CNTNAP2: variants seen among roughly 807,000 people sequenced by gnomAD.
CNTNAP2 encodes contactin associated protein 2, also known as contactin-associated protein-like 2.
In CNTNAP2, 98 loss-of-function variants were observed where a neutral mutation model predicts 155.2. The ratio of observed to expected loss-of-function variants is 0.63; its 90% CI spans 0.54 to 0.75. The LOEUF (loss-of-function observed/expected upper bound fraction) is 0.75. Ranked by LOEUF, CNTNAP2 falls within the 30% of genes least tolerant of loss-of-function variation. The pLI is 0.00. For synonymous variants in CNTNAP2, 651 were observed against 631.2 expected (o/e 1.03, Z -0.47); for missense variants, 1,727 against 1,688.1 (o/e 1.02, Z -0.40).
At chr7:147,737,357 T>C (rs921718151) in intron 13 of CNTNAP2, among the ~76,000 whole-genome samples, 1 of 152,110 alleles carries the variant, frequency 6.6e-6, no homozygotes, top group Non-Finnish European at 1.5e-5. Flanking sequence ...GAACAGCAAA[T>C]GTTGCTGCCT....
At chr7:147,308,376 A>C (rs1255073370) in intron 9 of CNTNAP2, among the ~76,000 whole-genome samples, 1 of 152,156 alleles carries the variant, frequency 6.6e-6, no homozygotes, top group African/African-American at 2.4e-5. Flanking sequence ...TAGTTGGATG[A>C]GGGAGAACAG....
chr7:147,215,650 A>G (rs897448793), intron 8 of CNTNAP2, among the ~76,000 whole-genome samples: 2 of 152,206 alleles, frequency 1.3e-5, no homozygotes, highest in Non-Finnish European at 2.9e-5. Context: ...GCTTATAAAC[A>G]TTCTTGTTCA....
intron 12 of CNTNAP2, among the ~76,000 whole-genome samples, chr7:147,594,452 T>C (rs1267449395): frequency 6.6e-6 from 1 of 152,166 alleles, no homozygotes; most frequent in Admixed American, 6.5e-5. Context: ...TTTTTATTTA[T>C]CAAAAAGGTA....
intron 15 of CNTNAP2, among the ~76,000 whole-genome samples, chr7:148,036,259 T>G (rs1437008625): frequency 6.6e-6 from 1 of 152,188 alleles, no homozygotes; most frequent in African/African-American, 2.4e-5. Flanking sequence ...GAGAAAGACA[T>G]GAATTTGGTG....
chr7:146,637,518 G>C (rs983301036), intron 1 of CNTNAP2, among the ~76,000 whole-genome samples: 6 of 152,062 alleles, frequency 3.9e-5, no homozygotes, highest in Non-Finnish European at 5.9e-5. Flanking sequence ...ATAGTTATGT[G>C]CTTTTCTACG....
chr7:146,871,528 TA>T (rs952172163), intron 3 of CNTNAP2, among the ~76,000 whole-genome samples: 1 of 149,936 alleles, frequency 6.7e-6, no homozygotes, highest in Non-Finnish European at 1.5e-5. Context: ...AGGCTCCGTC[TA>T]AAAAAAAATA....
At chr7:148,278,495 A>G (rs573978056) in intron 21 of CNTNAP2, among the ~76,000 whole-genome samples, 62 of 146,204 alleles carry the variant, frequency 4.2e-4, no homozygotes, top group African/African-American at 1.6e-3. Flanking sequence ...GCGTGAACCC[A>G]GGAGGTGGAG....
At chr7:147,802,180 G>GT in intron 13 of CNTNAP2, among the ~76,000 whole-genome samples, 3 of 150,130 alleles carry the variant, frequency 2.0e-5, no homozygotes, top group African/African-American at 7.4e-5. Context: ...CCCAGACGGG[G>GT]CGGCGGGGCA....
intron 8 of CNTNAP2, among the ~76,000 whole-genome samples, chr7:147,191,554 C>T (rs1214467062): frequency 7.9e-5 from 12 of 152,048 alleles, no homozygotes; most frequent in Admixed American, 7.9e-4. Context: ...ACAGTCATGT[C>T]TTAGGTCTCT....
chr7:147,196,585 A>G (rs932379863), intron 8 of CNTNAP2, among the ~76,000 whole-genome samples: 27 of 152,202 alleles, frequency 1.8e-4, no homozygotes, highest in African/African-American at 1.2e-4. Context: ...TTGAGTGAAG[A>G]GTGCAAACAT....
chr7:148,031,085 T>C (rs745980136), intron 15 of CNTNAP2, among the ~76,000 whole-genome samples: 9 of 152,098 alleles, frequency 5.9e-5, no homozygotes, highest in Admixed American at 2.0e-4. Context: ...TACTGGAAGA[T>C]GGTGGGACGA....
intron 13 of CNTNAP2, among the ~76,000 whole-genome samples, chr7:147,763,997 G>C (rs181458532): frequency 7.1e-4 from 108 of 152,242 alleles, no homozygotes; most frequent in Non-Finnish European, 1.3e-3. Flanking sequence ...TTTACTCTTG[G>C]TTGCACCCTG....
intron 14 of CNTNAP2, among the ~76,000 whole-genome samples, chr7:147,963,517 G>T (rs955031216): frequency 1.3e-5 from 2 of 152,114 alleles, no homozygotes; most frequent in African/African-American, 4.8e-5. Flanking sequence ...AGAAAAGGGC[G>T]CAACATGTAC....
chr7:148,123,041 A>G (rs575257959), intron 16 of CNTNAP2, among the ~76,000 whole-genome samples: 83 of 152,250 alleles, frequency 5.5e-4, no homozygotes, highest in African/African-American at 1.9e-3. Flanking sequence ...TACAAACTGC[A>G]TTCTGGATAT....
chr7:146,874,992 A>G (rs1043001262), intron 3 of CNTNAP2, among the ~76,000 whole-genome samples: 8 of 152,202 alleles, frequency 5.3e-5, no homozygotes, highest in Admixed American at 1.3e-4. Context: ...TTCTACATCA[A>G]CGTCATTAAC....
At chr7:148,324,084 C>T (rs1382366548) in intron 21 of CNTNAP2, among the ~76,000 whole-genome samples, 2 of 151,980 alleles carry the variant, frequency 1.3e-5, no homozygotes, top group African/African-American at 4.8e-5. Flanking sequence ...GGGGTTTTGC[C>T]ATGTTGGCCA....
rs185173463 is a variant in CNTNAP2 at position 146,971,937 on chromosome 7, T to C, written c.403-71970T>C. The stretch of plus-strand genomic sequence containing the variant: ...TAAGAAATTTATATCACGCATCTAC[T>C]TCGATGCTATAGCTAGACTAATACA... On this transcript the variant is annotated intron_variant, in intron 3 of 23. Coordinates refer to ENST00000361727, the MANE Select transcript of CNTNAP2 (RefSeq NM_014141.6). Among the ~76,000 whole-genome samples, 523 of 152,320 alleles carry C rather than the reference T, an allele frequency of 3.4e-3. 6 individuals are homozygous for C. Among genetic ancestry groups the C allele is most frequent in the African/African-American group, 0.012 (502 of 41,576 alleles).
chr7:147,392,948 C>T (rs1796745384), intron 9 of CNTNAP2, among the ~76,000 whole-genome samples: 1 of 151,972 alleles, frequency 6.6e-6, no homozygotes, highest in Non-Finnish European at 1.5e-5. Context: ...CATTATGTGT[C>T]ACCTTAAAAT....
At chr7:146,715,260 A>T (rs1209797066) in intron 1 of CNTNAP2, among the ~76,000 whole-genome samples, 1 of 152,110 alleles carries the variant, frequency 6.6e-6, no homozygotes, top group African/African-American at 2.4e-5. Flanking sequence ...TGAACCCAGG[A>T]GGGGGACATT....
Sources: allele counts gnomAD v4.1 joint callset (sites outside exome capture counted in the v4.1 genomes callset), GRCh38; gene constraint gnomAD v4.1.1; transcripts MANE v1.5; gene names NCBI Gene and HGNC (gene_info 2026-07-23, HGNC 2026-07-21).